The following REXO1 variants were observed in gnomAD, a reference collection of about 807,000 sequenced individuals.
The protein encoded by REXO1 is REX1, RNA exonuclease 1 homolog.
In REXO1, 42 loss-of-function variants were observed where a neutral mutation model predicts 102.6. That is an observed-to-expected ratio of 0.41 (90% confidence interval 0.32 to 0.53). The LOEUF (loss-of-function observed/expected upper bound fraction) is 0.53. Among genes scored for constraint, REXO1 ranks in the 20% least tolerant of loss-of-function variants. The probability of loss-of-function intolerance (pLI) is 0.27; values close to 1 mark genes in which losing one functional copy is unlikely to be tolerated. For missense variants in REXO1, 1,819 were observed against 1,732.5 expected (o/e 1.05, Z -0.89); for synonymous variants, 908 against 779.1 (o/e 1.17, Z -2.76).
intron 1 of REXO1, among the ~76,000 whole-genome samples, chr19:1,841,897 G>C (rs1315542311): frequency 6.6e-6 from 1 of 152,272 alleles, no homozygotes; most frequent in East Asian, 1.9e-4. Context: ...CAGAGCGCCA[G>C]CTCAGCCATC....
chr19:1,818,926 CAG>C (rs1491138496), intron 8 of REXO1, 83 bp from the exon 9 acceptor site: 1 of 1,578,334 alleles, frequency 6.3e-7, no homozygotes, highest in African/African-American at 1.4e-5. Context: ...GCTGGGCCGG[CAG>C]GGGCCCACGA....
chr19:1,828,256 C>T lies in REXO1; in HGVS notation c.533G>A (p.Ser178Asn). The change falls in exon 2 of 16, where the codon AGC (serine) becomes AAC (asparagine). Residue 178 changes from serine (S) to asparagine (N), a missense_variant. Transcript: ENST00000170168. The part of the protein sequence containing the change: ...TPLAAPAEPG[S>N]KYSLASLDRG... ...GTCCAGGGACGCCAGCGAGTACTTGCTGCCCGGCTCGGCAGGGGCGGCCAG... is the reference window on the plus strand; with the variant it reads ...GTCCAGGGACGCCAGCGAGTACTTGTTGCCCGGCTCGGCAGGGGCGGCCAG... The T allele has an allele frequency of 6.2e-7, 1 of 1,606,602 alleles. No individual in the cohort carries two copies. Among genetic ancestry groups the T allele is most frequent in the Non-Finnish European group, 8.5e-7 (1 of 1,176,558 alleles).
In REXO1 at chr19:1,826,797, ACCACTCCAGATAGAAG is replaced by A; in HGVS notation, c.1911+65_1911+80del. The A allele has an allele frequency of 6.6e-7, 1 of 1,515,346 alleles. No homozygotes were observed. The highest frequency in any genetic ancestry group is 2.5e-5 in the East Asian group (1 of 40,436). The allele number at this position is 1,515,346 out of a possible 1,614,324, so 93.9% of individuals were successfully genotyped here. A position where few individuals can be genotyped will look rare whatever the true frequency, so the allele number is the denominator to read the frequency against. ...CCCCGTGCCTCCGAGCCAACTGGAA[ACCACTCCAGATAGAAG>A]GTCTCTCACCAGGCCCTCGGCTCTG... On this transcript the variant is annotated intron_variant, in intron 2 of 15. Transcript: ENST00000170168. This position sits in a 1 kb window ranked among gnomAD's most constrained non-coding sequence, Gnocchi z 4.3.
Position 1,839,836 on chromosome 19 carries a change from G to A in REXO1, c.157+8366C>T, listed in dbSNP as rs537518781. Among the ~76,000 whole-genome samples the A allele has an allele frequency of 5.9e-5, 9 of 152,372 alleles. No homozygotes were observed. In the South Asian group the frequency reaches 8.3e-4, roughly 14 times the overall value. Reference sequence around the variant, plus strand: ...CCTGGGATACAGAGGTGGAAGGCATGGTGGAGCCCTCACCTCACTCCACCT... The same window carrying A: ...CCTGGGATACAGAGGTGGAAGGCATAGTGGAGCCCTCACCTCACTCCACCT... On this transcript the variant is annotated intron_variant, in intron 1 of 15. Coordinates refer to ENST00000170168, the MANE Select transcript of REXO1 (RefSeq NM_020695.4).
At chr19:1,816,185 C>T in intron 15 of REXO1, 31 bp from the exon 16 acceptor site, 3 of 1,562,008 alleles carry the variant, frequency 1.9e-6, no homozygotes, top group Non-Finnish European at 8.7e-7. Context: ...GCACCCGGCC[C>T]CTGCGCAGGG....
chr19:1,820,288 G>A lies in REXO1; in HGVS notation c.2502C>T (p.Thr834=), dbSNP rs747464351. ...CCTTCTCTATGGCCTCCTGGTTGGA[G>A]GTACAGAACTTGAGACACTCCTCGA... The part of the protein sequence containing the change: ...LFIEECLKFC[T]SNQEAIEKAL... The change falls in exon 6 of 16, where the codon ACC becomes ACT. Residue 834 remains threonine, a synonymous_variant. Transcript: ENST00000170168. 23 of 1,613,554 alleles carry A rather than the reference G, an allele frequency of 1.4e-5. 1 individual carries two copies. In the Admixed American group the frequency reaches 1.8e-4, roughly 13 times the overall value.
chr19:1,824,477 G>A (rs1322534892), intron 3 of REXO1: 2 of 152,240 alleles, frequency 1.3e-5, no homozygotes, highest in South Asian at 2.1e-4. Flanking sequence ...GAAAACGTGC[G>A]TTGTGACGAA....
Position 1,818,409 on chromosome 19 carries a change from TG to T in REXO1, c.3016+72del, listed in dbSNP as rs1260485558. 5.7e-5 allele frequency: 66 copies of T among 1,159,144 alleles called. No individual in the cohort carries two copies. The African/African-American group carries it at 9.2e-4, about 16-fold the overall frequency. 71.8% of individuals were successfully genotyped at this position (1,159,144 alleles called of 1,614,324 possible). ...CCTGGGTAAAGCCTTACCCCAGTTCTGGGGGCCTCAAGGGAGGGCCCAGGTT... is the reference window on the plus strand; with the variant it reads ...CCTGGGTAAAGCCTTACCCCAGTTCTGGGGCCTCAAGGGAGGGCCCAGGTT... On this transcript the variant is annotated intron_variant, in intron 10 of 15. Transcript: ENST00000170168.
Position 1,826,340 on chromosome 19 carries a change from T to C in REXO1, c.1912-397A>G, listed in dbSNP as rs932491939. 6.6e-6 allele frequency among the ~76,000 whole-genome samples: 1 copy of C among 151,070 alleles called. No individual in the cohort carries two copies. The highest frequency in any genetic ancestry group is 2.4e-5 in the African/African-American group (1 of 40,968). On this transcript the variant is annotated intron_variant, in intron 2 of 15. Coordinates refer to ENST00000170168, the MANE Select transcript of REXO1 (RefSeq NM_020695.4). This position sits in a 1 kb window ranked among gnomAD's most constrained non-coding sequence, Gnocchi z 4.3. ...GACACGGGGCCAGGAGACCCAGGGG[T>C]CCAGGGCTGGCCCAGGAGAGCAAGA...
Position 1,818,550 on chromosome 19 carries a change from G to C in REXO1, c.2948C>G (p.Ser983Cys), listed in dbSNP as rs2069438574. Reference sequence around the variant, plus strand: ...GTCCCGGATGCAGCGGCCTGAAGAGGACACGAGGTACTCGGTGCCACAGCG... The same window carrying C: ...GTCCCGGATGCAGCGGCCTGAAGAGCACACGAGGTACTCGGTGCCACAGCG... ...CCRCGTEYLV[S>C]SSGRCIRDEE... is the part of the protein sequence containing the mutation. The change falls in exon 10 of 16, where the codon TCC becomes TGC. Residue 983 changes from serine (S) to cysteine (C), a missense_variant. By Grantham distance (112) the Ser-to-Cys change is moderately radical. Transcript: ENST00000170168. The C allele has an allele frequency of 6.2e-7, 1 of 1,612,052 alleles. No individual in the cohort carries two copies. Among genetic ancestry groups the C allele is most frequent in the African/African-American group, 1.3e-5 (1 of 74,918 alleles).
At chr19:1,831,968 A>C (rs2069918723) in intron 1 of REXO1, among the ~76,000 whole-genome samples, 1 of 150,866 alleles carries the variant, frequency 6.6e-6, no homozygotes, top group African/African-American at 2.4e-5. Flanking sequence ...GTAAGTCCCC[A>C]TCCTAATCCC....
intron 3 of REXO1, among the ~76,000 whole-genome samples, chr19:1,825,437 G>A (rs2069685620): frequency 1.3e-5 from 2 of 151,654 alleles, no homozygotes; most frequent in African/African-American, 4.8e-5. Flanking sequence ...GTCAGGAGTT[G>A]GAAGACCAGC....
In REXO1 at chr19:1,823,116, G is replaced by C. The variant is rs140092270; in HGVS notation, c.2230+456C>G. 35 of 162,068 alleles carry C rather than the reference G, an allele frequency of 2.2e-4. 1 individual carries two copies. Among genetic ancestry groups the C allele is most frequent in the African/African-American group, 7.1e-4 (30 of 41,994 alleles). The allele number at this position is 162,068 out of a possible 1,614,324, so 10.0% of individuals were successfully genotyped here. On this transcript the variant is annotated intron_variant, in intron 4 of 15. Coordinates refer to ENST00000170168, the MANE Select transcript of REXO1 (RefSeq NM_020695.4). ...CCCGACTTTCTACAAGACCCTGCTG[G>C]GGGGGAAGTGCCCCTCGGAGTAAAG...
At position 1,817,746 on chromosome 19, in the gene REXO1, G is replaced by A. The variant is rs140100377; in HGVS notation, c.3051C>T (p.Cys1017=). Reference sequence around the variant, plus strand: ...AGCCGACAGAGCCGGCGGCAGCCGAGCAGCACATGTACTGGGTCTCCCAGC... The same window carrying A: ...AGCCGACAGAGCCGGCGGCAGCCGAACAGCACATGTACTGGGTCTCCCAGC... The part of the protein sequence containing the change: ...AGGWETQYMC[C]SAAAGSVGCQ... Residue 1017 remains cysteine, a synonymous_variant, in exon 11 of 16, where the codon TGC becomes TGT. Transcript: ENST00000170168. 2.5e-4 allele frequency: 397 copies of A among 1,612,538 alleles called. 2 individuals are homozygous for A. In the East Asian group the frequency reaches 3.7e-3, roughly 15 times the overall value.
At chr19:1,817,172 G>A (rs1353586685) in intron 12 of REXO1, 47 bp downstream of exon 12, 2 of 1,500,492 alleles carry the variant, frequency 1.3e-6, no homozygotes, top group Non-Finnish European at 9.1e-7. Flanking sequence ...CACCAGGCCA[G>A]GTCCTCCCCA....
At chr19:1,847,228 A>C (rs1357837860) in intron 1 of REXO1, among the ~76,000 whole-genome samples, 1 of 152,260 alleles carries the variant, frequency 6.6e-6, no homozygotes, top group Non-Finnish European at 1.5e-5. Context: ...GGAAATCAGA[A>C]AAAAATGCTA....
chr19:1,837,433 AGAG>A (rs974548594), intron 1 of REXO1, among the ~76,000 whole-genome samples: 4 of 152,236 alleles, frequency 2.6e-5, no homozygotes, highest in African/African-American at 9.6e-5. Flanking sequence ...CTCTGCACCC[AGAG>A]GAGGTCCCAC....
At chr19:1,845,814 C>T (rs753770755) in intron 1 of REXO1, among the ~76,000 whole-genome samples, 9 of 152,184 alleles carry the variant, frequency 5.9e-5, no homozygotes, top group Non-Finnish European at 1.2e-4. Context: ...CCTTCCTGTT[C>T]CCGTCGCAGC....
intron 11 of REXO1, 145 bp from the exon 12 acceptor site, chr19:1,817,474 G>C (rs1285231834): frequency 6.8e-7 from 1 of 1,477,072 alleles, no homozygotes; most frequent in Admixed American, 2.3e-5. Context: ...GAGCAGGTGG[G>C]GAAGGGGGCT....
Sources: allele counts gnomAD v4.1 joint callset (sites outside exome capture counted in the v4.1 genomes callset), GRCh38; gene constraint gnomAD v4.1.1; non-coding constraint Gnocchi (gnomAD v3.1); transcripts MANE v1.5; gene names NCBI Gene and HGNC (gene_info 2026-07-23, HGNC 2026-07-21).